GPSM2: variants seen among roughly 807,000 people sequenced by gnomAD.
The protein encoded by GPSM2 is G protein-signaling modulator 2.
Under a neutral mutation model 78.4 loss-of-function variants are expected in GPSM2, and 58 were observed. The ratio of observed to expected loss-of-function variants is 0.74; its 90% confidence interval spans 0.60 to 0.92. The LOEUF (loss-of-function observed/expected upper bound fraction) is 0.92, where lower values mean the gene tolerates loss of function less well. GPSM2 is among the 40% of genes least tolerant of loss of function. The pLI is 0.00. For synonymous variants in GPSM2, 224 were observed against 280.2 expected, an observed-to-expected ratio of 0.80 and a Z score of 2.00; for missense variants, 700 against 815.5, an observed-to-expected ratio of 0.86 and a Z score of 1.73.
intron 11 of GPSM2, 119 bp from the exon 12 acceptor site, chr1:108,918,494 C>A: frequency 2.7e-6 from 2 of 739,410 alleles, no homozygotes; most frequent in South Asian, 1.6e-5. Flanking sequence ...ATCTAAAATT[C>A]TTCCTCTCTC....
chr1:108,909,624 G>A (rs1406396299), intron 10 of GPSM2: 1 of 152,034 alleles, frequency 6.6e-6, no homozygotes, highest in Non-Finnish European at 1.5e-5. Flanking sequence ...GAAAAAGCTG[G>A]CCAGGCGCGG....
chr1:108,907,721 T>C (rs1649354067), intron 10 of GPSM2, among the ~76,000 whole-genome samples: 1 of 152,228 alleles, frequency 6.6e-6, no homozygotes, highest in Non-Finnish European at 1.5e-5. Flanking sequence ...ACTCATTTAA[T>C]TGTAACAATT....
rs146446929 is a variant in GPSM2 at position 108,898,692 on chromosome 1, G to A, written c.608G>A (p.Arg203His). 1.5e-5 allele frequency: 24 copies of A among 1,613,702 alleles called. 1 individual carries two copies. The highest frequency in any genetic ancestry group is 8.3e-5 in the Admixed American group (5 of 59,992). Residue 203 changes from arginine to histidine, a missense_variant, in exon 6 of 15, where the codon CGT becomes CAT. Physicochemically the swap from Arg to His is conservative, Grantham distance 29 (BLOSUM62 0). Transcript: ENST00000264126. ...TTGGGTGACCGAGCGGCACAAGGACGTGCCTTTGGAAATCTTGGAAACACA... is the reference window on the plus strand; with the variant it reads ...TTGGGTGACCGAGCGGCACAAGGACATGCCTTTGGAAATCTTGGAAACACA... ...TALGDRAAQG[R>H]AFGNLGNTHY...
Position 108,918,760 on chromosome 1 carries a change from A to C in GPSM2, c.1411A>C (p.Ile471Leu). Residue 471 changes from isoleucine (I) to leucine (L), a missense_variant, in exon 12 of 15, where the codon ATT becomes CTT. Coordinates refer to ENST00000264126, the MANE Select transcript of GPSM2 (RefSeq NM_013296.5). ...TKVLQDASNS[I>L]DHRIPNSQRK... ...AGTTCTCCAAGATGCCAGTAATTCT[A>C]TTGACCACCGAATTCCAAATTCTCA... 1 of 1,613,680 alleles carries C rather than the reference A, an allele frequency of 6.2e-7. No homozygotes were observed. The highest frequency in any genetic ancestry group is 2.2e-5 in the East Asian group (1 of 44,842).
Position 108,923,998 on chromosome 1 carries a change from A to G in GPSM2, c.1601-2A>G, listed in dbSNP as rs773445398. The G allele has an allele frequency of 1.0e-5, 16 of 1,587,306 alleles. 1 individual carries two copies. The South Asian group carries it at 1.3e-4, about 13-fold the overall frequency. ...TCTTTGGCTTTCTTCTTCTGTTCTT[A>G]GCATCATCTGTTCCTGTGGTATCCC... On this transcript the variant is annotated splice_acceptor_variant, in intron 13 of 14. Coordinates refer to ENST00000264126, the MANE Select transcript of GPSM2 (RefSeq NM_013296.5). LOFTEE classifies it high-confidence loss of function.
At position 108,931,149 on chromosome 1, in the gene GPSM2, T is replaced by TAA. The variant is rs1351883728; in HGVS notation, c.*1210_*1211dup. 8.1e-6 allele frequency: 5 copies of TAA among 616,530 alleles called. No individual in the cohort carries two copies. Among genetic ancestry groups the TAA allele is most frequent in the East Asian group, 3.2e-5 (1 of 30,806 alleles). 38.2% of individuals were successfully genotyped at this position (616,530 alleles called of 1,614,324 possible). A position where few individuals can be genotyped will look rare whatever the true frequency, so the allele number is the denominator to read the frequency against. ...AATACTGCTGTAAAACAAACTTTTC[T>TAA]AAGTTCTAATATAAAAACAAAAAAC... On this transcript the variant is annotated 3_prime_UTR_variant, in exon 15 of 15. Transcript: ENST00000264126.
chr1:108,916,369 TAGTCTTCAAAA>T (rs1650233516), intron 11 of GPSM2, among the ~76,000 whole-genome samples: 2 of 152,210 alleles, frequency 1.3e-5, no homozygotes, highest in South Asian at 4.1e-4. Flanking sequence ...TATGTGTGAA[TAGTCTTCAAAA>T]AACCAAAATC....
rs148556472 is a variant in GPSM2, at chr1:108,904,072, C to T, written c.1063-53C>T. 2.4e-5 allele frequency: 30 copies of T among 1,243,492 alleles called. No homozygotes were observed. In the East Asian group the frequency reaches 3.5e-4, roughly 15 times the overall value. The allele number at this position is 1,243,492 out of a possible 1,614,324, so 77.0% of individuals were successfully genotyped here. A position where few individuals can be genotyped will look rare whatever the true frequency, so the allele number is the denominator to read the frequency against. On this transcript the variant is annotated intron_variant, in intron 9 of 14. Transcript: ENST00000264126. Reference sequence around the variant, plus strand: ...GTTCACTACATTTACAAATAATCTTCACCATTCTTTCTCTTTAAATACTAC... The same window carrying T: ...GTTCACTACATTTACAAATAATCTTTACCATTCTTTCTCTTTAAATACTAC...
At chr1:108,927,280 C>T (rs539234207) in intron 14 of GPSM2, among the ~76,000 whole-genome samples, 14 of 152,258 alleles carry the variant, frequency 9.2e-5, no homozygotes, top group Admixed American at 3.3e-4. Context: ...TTTCCTCCTA[C>T]AGAAATAGAA....
intron 10 of GPSM2, among the ~76,000 whole-genome samples, chr1:108,910,720 AG>A (rs1649666529): frequency 6.6e-6 from 1 of 151,948 alleles, no homozygotes; most frequent in African/African-American, 2.4e-5. Flanking sequence ...AAAATTAGCC[AG>A]GGGTGGTGGT....
intron 11 of GPSM2, among the ~76,000 whole-genome samples, chr1:108,918,057 T>G (rs927802996): frequency 6.6e-6 from 1 of 152,160 alleles, no homozygotes; most frequent in Non-Finnish European, 1.5e-5. Context: ...GTAGTGCATA[T>G]TTTTCCACTG....
At chr1:108,912,901 G>A (rs1332566784) in intron 10 of GPSM2, among the ~76,000 whole-genome samples, 1 of 146,786 alleles carries the variant, frequency 6.8e-6, no homozygotes, top group East Asian at 2.0e-4. Flanking sequence ...AAAAAAGGGT[G>A]GGGGGGACAC....
chr1:108,905,311 C>T (rs1025518787), intron 10 of GPSM2, among the ~76,000 whole-genome samples: 16 of 152,088 alleles, frequency 1.1e-4, no homozygotes, highest in African/African-American at 3.4e-4. Flanking sequence ...TTCCTTTGTT[C>T]GCTCTTATAA....
At chr1:108,897,901 A>C (rs933761442) in intron 4 of GPSM2, 58 bp from the exon 5 acceptor site, 8 of 1,561,790 alleles carry the variant, frequency 5.1e-6, no homozygotes, top group Admixed American at 5.0e-5. Flanking sequence ...TTACAAATAT[A>C]TATGATAAAC....
chr1:108,921,112 ACT>A (rs1300050765), intron 12 of GPSM2, among the ~76,000 whole-genome samples: 2 of 152,046 alleles, frequency 1.3e-5, no homozygotes, highest in African/African-American at 4.8e-5. Context: ...CATCAAATCC[ACT>A]GTGTCCCTCA....
chr1:108,900,507 G>A (rs988836783), intron 7 of GPSM2, among the ~76,000 whole-genome samples: 7 of 152,126 alleles, frequency 4.6e-5, no homozygotes, highest in Non-Finnish European at 1.0e-4. Flanking sequence ...CCAAAGTGCT[G>A]GGATTACAGG....
intron 2 of GPSM2, among the ~76,000 whole-genome samples, chr1:108,894,427 G>T (rs1171345090): frequency 6.6e-6 from 1 of 152,160 alleles, no homozygotes; most frequent in East Asian, 1.9e-4. Flanking sequence ...GCCAGCCATG[G>T]TGGCTCACAC....
In GPSM2 at chr1:108,897,530, G is replaced by C. The variant is rs900932938; in HGVS notation, c.317G>C (p.Gly106Ala). Residue 106 changes from glycine to alanine, a missense_variant, in exon 4 of 15, where the codon GGT becomes GCT. Physicochemically the swap from Gly to Ala is moderately conservative, Grantham distance 60. Transcript: ENST00000264126. ...CAGCTGGGGGAAGCGAAAGCTAGTGGTAATCTGGGAAACACCTTAAAAGTT... is the reference window on the plus strand; with the variant it reads ...CAGCTGGGGGAAGCGAAAGCTAGTGCTAATCTGGGAAACACCTTAAAAGTT... ...GDQLGEAKAS[G>A]NLGNTLKVLG... The C allele has an allele frequency of 1.2e-6, 2 of 1,613,488 alleles. No individual in the cohort carries two copies. Among genetic ancestry groups the C allele is most frequent in the South Asian group, 2.2e-5 (2 of 91,052 alleles).
Position 108,934,536 on chromosome 1 carries a change from G to T in GPSM2, c.*4596G>T. Reference sequence around the variant, plus strand: ...AATTGTCAGTAAAAATGTGAATGTTGAAGTTGAAATGTGAATGTTGAAGTT... The same window carrying T: ...AATTGTCAGTAAAAATGTGAATGTTTAAGTTGAAATGTGAATGTTGAAGTT... On this transcript the variant is annotated 3_prime_UTR_variant, in exon 15 of 15. Coordinates refer to ENST00000264126, the MANE Select transcript of GPSM2 (RefSeq NM_013296.5). 1.0e-6 allele frequency: 1 copy of T among 987,458 alleles called. No individual in the cohort carries two copies. Among genetic ancestry groups the T allele is most frequent in the Non-Finnish European group, 1.5e-6 (1 of 686,846 alleles). 61.2% of individuals were successfully genotyped at this position (987,458 alleles called of 1,614,324 possible).
Sources: gnomAD v4.1 joint callset for allele counts (sites outside exome capture counted in the v4.1 genomes callset) on GRCh38, gnomAD v4.1.1 for gene constraint, MANE v1.5 for transcripts, NCBI Gene and HGNC (gene_info 2026-07-23, HGNC 2026-07-21) for gene names.